Variants in FBN3 observed in about 807,000 individuals in gnomAD.
FBN3 encodes fibrillin 3.
Under a neutral mutation model 330.1 loss-of-function variants are expected in FBN3, and 234 were observed. The observed-to-expected ratio is 0.71, with a 90% CI of 0.64 to 0.79. The LOEUF is 0.79. FBN3 is among the 30% of genes least tolerant of loss of function. The pLI is 0.00. For missense variants in FBN3, 3,606 were observed against 3,886.9 expected (o/e 0.93, Z 1.92); for synonymous variants, 1,458 against 1,517.3 (o/e 0.96, Z 0.91).
chr19:8,085,628 A>G lies in FBN3; in HGVS notation c.6881-59T>C. 3 of 1,354,428 alleles carry G rather than the reference A, an allele frequency of 2.2e-6. No homozygotes were observed. In the South Asian group the frequency reaches 4.6e-5, roughly 21 times the overall value. 83.9% of individuals were successfully genotyped at this position (1,354,428 alleles called of 1,614,324 possible). A position where few individuals can be genotyped will look rare whatever the true frequency, so the allele number is the denominator to read the frequency against. On this transcript the variant is annotated intron_variant, in intron 55 of 63. Transcript: ENST00000600128. ...CCAGGAGGCTGGTTTGGGGGCAAAGACTGAGCTTGCTTTGGGGCAAGCTGT... is the reference window on the plus strand; with the variant it reads ...CCAGGAGGCTGGTTTGGGGGCAAAGGCTGAGCTTGCTTTGGGGCAAGCTGT...
In FBN3 at chr19:8,083,410, G is replaced by A. The variant is rs559634218; in HGVS notation, c.7088-38C>T. 1.8e-5 allele frequency: 29 copies of A among 1,610,918 alleles called. No homozygotes were observed. In the East Asian group the frequency reaches 4.7e-4, roughly 26 times the overall value. On this transcript the variant is annotated intron_variant, in intron 56 of 63. Transcript: ENST00000600128. ...AGGGTGCAAATGGGGCTGGCTGGCT[G>A]CTTCGCGCCTCCACCGAGGAATGTC...
chr19:8,074,201 G>C (rs543565586), intron 61 of FBN3, among the ~76,000 whole-genome samples: 3 of 152,114 alleles, frequency 2.0e-5, no homozygotes, highest in Non-Finnish European at 4.4e-5. Context: ...GTCAGTACGG[G>C]GGGAGGAAAC....
intron 21 of FBN3, 108 bp downstream of exon 21, chr19:8,126,189 C>T (rs553955121): frequency 1.6e-5 from 23 of 1,432,430 alleles, no homozygotes; most frequent in African/African-American, 7.0e-5. Context: ...CTGTCCCCAT[C>T]GCAAAAGACT....
At chr19:8,075,485 C>A in intron 59 of FBN3, 74 bp from the exon 60 acceptor site, 1 of 1,505,532 alleles carries the variant, frequency 6.6e-7, no homozygotes. Flanking sequence ...ATGCCAGTCC[C>A]ACCACTGTGT....
chr19:8,090,055 G>A, intron 49 of FBN3, 44 bp downstream of exon 49: 1 of 1,606,990 alleles, frequency 6.2e-7, no homozygotes, highest in South Asian at 1.1e-5. Flanking sequence ...AGAGGAAGGT[G>A]AGGGCACATC....
At chr19:8,123,717 C>G in intron 23 of FBN3, 67 bp downstream of exon 23, 1 of 1,597,042 alleles carries the variant, frequency 6.3e-7, no homozygotes, top group Non-Finnish European at 8.6e-7. Context: ...CTTCCCATCT[C>G]CAGGCTTTTG....
chr19:8,081,651 G>A (rs906784751), intron 57 of FBN3, among the ~76,000 whole-genome samples, 171 bp from the exon 58 acceptor site: 2 of 152,138 alleles, frequency 1.3e-5, no homozygotes, highest in Non-Finnish European at 2.9e-5. Context: ...GGTTTTGCAG[G>A]CCACACCATC....
At chr19:8,111,619 C>A (rs1168660189) in intron 32 of FBN3, 29 bp downstream of exon 32, 6 of 1,419,076 alleles carry the variant, frequency 4.2e-6, no homozygotes, top group Non-Finnish European at 2.9e-6. Context: ...CCCTCTAGGG[C>A]CCCTGCCCTC....
intron 8 of FBN3, among the ~76,000 whole-genome samples, chr19:8,139,342 G>A (rs531728210): frequency 2.6e-5 from 4 of 152,070 alleles, no homozygotes; most frequent in Non-Finnish European, 4.4e-5. Flanking sequence ...CCAAGATTCC[G>A]CCTCAAAAAT....
chr19:8,145,029 T>G, intron 5 of FBN3, 57 bp from the exon 6 acceptor site: 1 of 1,446,272 alleles, frequency 6.9e-7, no homozygotes, highest in Non-Finnish European at 9.6e-7. Flanking sequence ...AGAGCTGGGG[T>G]TCACAGCAAG....
At chr19:8,124,066 C>T in intron 22 of FBN3, 58 bp from the exon 23 acceptor site, 1 of 1,438,592 alleles carries the variant, frequency 7.0e-7, no homozygotes, top group Non-Finnish European at 9.6e-7. Flanking sequence ...CACTGCGGGA[C>T]AGGCGTGCCG....
chr19:8,132,828 CT>C (rs1435173248), intron 14 of FBN3, among the ~76,000 whole-genome samples, 155 bp downstream of exon 14: 1 of 152,238 alleles, frequency 6.6e-6, no homozygotes. Flanking sequence ...CGCTTCTCCC[CT>C]TTTCCCTCCT....
At chr19:8,079,443 A>C (rs570216821) in intron 59 of FBN3, among the ~76,000 whole-genome samples, 5 of 152,230 alleles carry the variant, frequency 3.3e-5, no homozygotes, top group African/African-American at 9.6e-5. Context: ...ACAAACAGAC[A>C]GACAACATAA....
At position 8,111,866 on chromosome 19, in the gene FBN3, C is replaced by A; in HGVS notation, c.3962-96G>T. 3.0e-6 allele frequency: 4 copies of A among 1,330,514 alleles called. No homozygotes were observed. The South Asian group carries it at 3.9e-5, about 13-fold the overall frequency. The allele number at this position is 1,330,514 out of a possible 1,614,324, so 82.4% of individuals were successfully genotyped here. ...CCCATCAACCCTCCAACCCTGACTG[C>A]CCCCCTGCAGACACTCCCGGATCCC... On this transcript the variant is annotated intron_variant, in intron 31 of 63. Transcript: ENST00000600128.
At chr19:8,074,944 G>A in intron 61 of FBN3, 127 bp downstream of exon 61, 1 of 1,304,738 alleles carries the variant, frequency 7.7e-7, no homozygotes, top group Non-Finnish European at 1.0e-6. Context: ...CTACCTTCTG[G>A]GCTGGCCTGT....
rs774664732 is a variant in FBN3, at chr19:8,126,618, G to A, written c.2417-13C>T. The A allele has an allele frequency of 5.6e-6, 9 of 1,605,852 alleles. No homozygotes were observed. The African/African-American group carries it at 8.0e-5, about 14-fold the overall frequency. ...CCCTTGGTGCTGTCTGGGGAGAAGA[G>A]GCGGGTCACCTGTCTCACCTGCCGG... On this transcript the variant is annotated splice_polypyrimidine_tract_variant and intron_variant, in intron 19 of 63. Coordinates refer to ENST00000600128, the MANE Select transcript of FBN3 (RefSeq NM_032447.5).
chr19:8,131,469 C>G lies in FBN3; in HGVS notation c.1990+85G>C, dbSNP rs1196836861. ...TTTGGGAAGAGCCCCCACTCCATGG[C>G]AGCCATGACCCCCCACCAGAAGCGA... On this transcript the variant is annotated intron_variant, in intron 15 of 63. Coordinates refer to ENST00000600128, the MANE Select transcript of FBN3 (RefSeq NM_032447.5). This position sits in a 1 kb window ranked among gnomAD's most constrained non-coding sequence, Gnocchi z 4.5. 6.6e-7 allele frequency: 1 copy of G among 1,523,692 alleles called. No homozygotes were observed. The highest frequency in any genetic ancestry group is 8.9e-7 in the Non-Finnish European group (1 of 1,122,124). The allele number at this position is 1,523,692 out of a possible 1,614,324, so 94.4% of individuals were successfully genotyped here. A position where few individuals can be genotyped will look rare whatever the true frequency, so the allele number is the denominator to read the frequency against.
chr19:8,141,611 G>A, intron 8 of FBN3, 106 bp downstream of exon 8: 1 of 1,297,040 alleles, frequency 7.7e-7, no homozygotes, highest in East Asian at 2.3e-5. Flanking sequence ...GGTCAGAACT[G>A]GGCACCTCAC....
intron 29 of FBN3, among the ~76,000 whole-genome samples, chr19:8,116,316 G>T (rs938878966): frequency 3.9e-5 from 6 of 152,078 alleles, no homozygotes; most frequent in Non-Finnish European, 7.4e-5. Flanking sequence ...ACTGTCCTCT[G>T]CCAGAAACCC....
Sources: allele counts gnomAD v4.1 joint callset (sites outside exome capture counted in the v4.1 genomes callset), GRCh38; gene constraint gnomAD v4.1.1; non-coding constraint Gnocchi (gnomAD v3.1); transcripts MANE v1.5; gene names NCBI Gene and HGNC (gene_info 2026-07-23, HGNC 2026-07-21).